CHRNA7: variants seen among roughly 807,000 people sequenced by gnomAD.
CHRNA7 encodes the protein cholinergic receptor nicotinic alpha 7 subunit.
In CHRNA7, 17 loss-of-function variants were observed where a neutral mutation model predicts 48.0. The ratio of observed to expected loss-of-function variants is 0.35; its 90% confidence interval spans 0.24 to 0.53. CHRNA7 has a LOEUF of 0.53. CHRNA7 is among the 20% of genes least tolerant of loss of function. The pLI, the probability that CHRNA7 is intolerant of heterozygous loss-of-function variation, is 0.92. For missense variants in CHRNA7, 155 were observed against 577.7 expected (o/e 0.27, Z 7.50); for synonymous variants, 75 against 242.3 (o/e 0.31, Z 6.41).
rs1002562554 is a variant in CHRNA7 at position 32,149,419 on chromosome 15, C to T, written c.351-4488C>T. On this transcript the variant is annotated intron_variant, in intron 4 of 9. Coordinates refer to ENST00000306901, the MANE Select transcript of CHRNA7 (RefSeq NM_000746.6). The surrounding 1 kb of genome is among the most constrained non-coding windows in gnomAD (Gnocchi z 4.6). ...ACTGAGGTCCTCATAGGGGTTCTGGCCACTCACATTTCCGAGGTTCTTCAT... is the reference window on the plus strand; with the variant it reads ...ACTGAGGTCCTCATAGGGGTTCTGGTCACTCACATTTCCGAGGTTCTTCAT... Among the ~76,000 whole-genome samples, 5 of 152,138 alleles carry T rather than the reference C, an allele frequency of 3.3e-5. No individual in the cohort carries two copies. The highest frequency in any genetic ancestry group is 6.5e-5 in the Admixed American group (1 of 15,276).
At chr15:32,110,419 A>G (rs1386852371) in intron 3 of CHRNA7, among the ~76,000 whole-genome samples, 2 of 152,200 alleles carry the variant, frequency 1.3e-5, no homozygotes, top group Non-Finnish European at 2.9e-5. Flanking sequence ...GCCCCAGAGG[A>G]TACTTCTGCA....
intron 2 of CHRNA7, among the ~76,000 whole-genome samples, chr15:32,082,267 T>G (rs180987850): frequency 6.6e-6 from 1 of 152,176 alleles, no homozygotes; most frequent in African/African-American, 2.4e-5. Context: ...TGTGAAGTGT[T>G]GGTCATTATT....
At chr15:32,117,537 G>T (rs1012473658) in intron 4 of CHRNA7, among the ~76,000 whole-genome samples, 11 of 152,180 alleles carry the variant, frequency 7.2e-5, no homozygotes, top group Admixed American at 1.3e-4. Flanking sequence ...CTGGTAGGGA[G>T]CATAGCAACA....
At chr15:32,038,774 G>A (rs1016116597) in intron 2 of CHRNA7, among the ~76,000 whole-genome samples, 6 of 152,152 alleles carry the variant, frequency 3.9e-5, no homozygotes, top group Admixed American at 1.3e-4. Flanking sequence ...GGTAATGCAG[G>A]CCTCATAGAA....
chr15:32,087,440 A>G (rs796897971), intron 2 of CHRNA7, among the ~76,000 whole-genome samples: 5 of 152,192 alleles, frequency 3.3e-5, no homozygotes, highest in African/African-American at 1.2e-4. Flanking sequence ...GGTTCCTTGT[A>G]TTGGTGAATG....
chr15:32,115,232 TAAGG>T, intron 4 of CHRNA7, among the ~76,000 whole-genome samples: 1 of 152,050 alleles, frequency 6.6e-6, no homozygotes, highest in East Asian at 1.9e-4. Flanking sequence ...TGATCACAGC[TAAGG>T]AAGGAAAGCG....
At chr15:32,048,977 G>A (rs112992880) in intron 2 of CHRNA7, among the ~76,000 whole-genome samples, 1 of 146,892 alleles carries the variant, frequency 6.8e-6, no homozygotes, top group South Asian at 2.1e-4. Flanking sequence ...TAGTTGAGCG[G>A]TTTTGAGTGA....
At chr15:32,137,031 C>CAAAAAAAAAAAA (rs775166263) in intron 4 of CHRNA7, among the ~76,000 whole-genome samples, 1 of 63,920 alleles carries the variant, frequency 1.6e-5, no homozygotes, top group African/African-American at 7.6e-5. Flanking sequence ...GACTCCGTCT[C>CAAAAAAAAAAAA]AAAAAAAAAA....
intron 2 of CHRNA7, among the ~76,000 whole-genome samples, chr15:32,057,673 GAC>G (rs2049809275): frequency 6.6e-6 from 1 of 152,104 alleles, no homozygotes; most frequent in African/African-American, 2.4e-5. Context: ...ATCAAATGTT[GAC>G]ACTCCTCAAC....
intron 2 of CHRNA7, among the ~76,000 whole-genome samples, chr15:32,094,271 A>T (rs1232252867): frequency 1.3e-5 from 2 of 152,212 alleles, no homozygotes; most frequent in African/African-American, 4.8e-5. Flanking sequence ...TCTCATCTGC[A>T]CATTGATGCA....
chr15:32,121,297 G>T (rs1361144673), intron 4 of CHRNA7, among the ~76,000 whole-genome samples: 1 of 152,204 alleles, frequency 6.6e-6, no homozygotes, highest in East Asian at 1.9e-4. Flanking sequence ...CTAGGAAGAC[G>T]CACATTCACT....
intron 2 of CHRNA7, among the ~76,000 whole-genome samples, chr15:32,035,976 A>G (rs1011080999): frequency 2.0e-5 from 3 of 152,184 alleles, no homozygotes; most frequent in Admixed American, 6.5e-5. Context: ...TTGGTTTTGT[A>G]TAATCTATGG....
intron 3 of CHRNA7, among the ~76,000 whole-genome samples, chr15:32,108,109 A>C (rs1340158218): frequency 6.6e-6 from 1 of 151,094 alleles, no homozygotes; most frequent in African/African-American, 2.4e-5. Context: ...GCCCTCCCTC[A>C]ATGCTTCCAT....
intron 4 of CHRNA7, among the ~76,000 whole-genome samples, chr15:32,133,072 A>G (rs1432762551): frequency 3.3e-5 from 5 of 152,328 alleles, no homozygotes; most frequent in Non-Finnish European, 2.9e-5. Flanking sequence ...ACGAGCTGGC[A>G]GGGTGCAATG....
chr15:32,062,292 A>G (rs1436459120), intron 2 of CHRNA7, among the ~76,000 whole-genome samples: 1 of 152,188 alleles, frequency 6.6e-6, no homozygotes, highest in East Asian at 1.9e-4. Context: ...ACATTTACCT[A>G]ATGAAATTAC....
chr15:32,083,986 T>C (rs1363048101), intron 2 of CHRNA7, among the ~76,000 whole-genome samples: 1 of 152,178 alleles, frequency 6.6e-6, no homozygotes, highest in Non-Finnish European at 1.5e-5. Context: ...CTAGATTAGA[T>C]GGGCAATGGA....
Position 32,123,110 on chromosome 15 carries a change from A to G in CHRNA7, c.350+11211A>G, listed in dbSNP as rs1175271434. On this transcript the variant is annotated intron_variant, in intron 4 of 9. Coordinates refer to ENST00000306901, the MANE Select transcript of CHRNA7 (RefSeq NM_000746.6). ...GAAACCAAGAAAGAGGCAAACCTGG[A>G]ATATAATCAGCACTCGTGAGTGATG... Among the ~76,000 whole-genome samples, 3 of 152,240 alleles carry G rather than the reference A, an allele frequency of 2.0e-5. No individual in the cohort carries two copies. The South Asian group carries it at 6.2e-4, about 32-fold the overall frequency.
At chr15:32,122,020 T>C (rs1158201200) in intron 4 of CHRNA7, among the ~76,000 whole-genome samples, 1 of 152,192 alleles carries the variant, frequency 6.6e-6, no homozygotes, top group African/African-American at 2.4e-5. Context: ...TGGAGGACTC[T>C]TTGTAAACAT....
intron 2 of CHRNA7, among the ~76,000 whole-genome samples, chr15:32,092,073 C>A (rs2050392712): frequency 6.6e-6 from 1 of 152,172 alleles, no homozygotes; most frequent in African/African-American, 2.4e-5. Flanking sequence ...TGTTTCACTT[C>A]CATTTCCAAC....
Sources: allele counts gnomAD v4.1 joint callset (sites outside exome capture counted in the v4.1 genomes callset), GRCh38; gene constraint gnomAD v4.1.1; non-coding constraint Gnocchi (gnomAD v3.1); transcripts MANE v1.5; gene names NCBI Gene and HGNC (gene_info 2026-07-23, HGNC 2026-07-21).